The following GABRG3 variants were observed in gnomAD, a reference collection of about 807,000 sequenced individuals.
GABRG3 encodes gamma-aminobutyric acid receptor subunit gamma-3.
A neutral mutation model predicts 48.8 loss-of-function variants in GABRG3; 25 were observed. The observed-to-expected ratio is 0.51, with a 90% CI of 0.37 to 0.72. GABRG3 has a LOEUF of 0.72. Among genes scored for constraint, GABRG3 ranks in the 30% least tolerant of loss-of-function variants. The pLI is 0.00. For synonymous variants in GABRG3, 227 were observed against 217.6 expected, an observed-to-expected ratio of 1.04 and a Z score of -0.38; for missense variants, 394 against 577.9, an observed-to-expected ratio of 0.68 and a Z score of 3.26.
chr15:27,424,445 G>A (rs573972344), intron 5 of GABRG3, among the ~76,000 whole-genome samples: 1 of 152,196 alleles, frequency 6.6e-6, no homozygotes, highest in South Asian at 2.1e-4. Flanking sequence ...GGCAGGGTCG[G>A]AGGGCAGATG....
intron 5 of GABRG3, among the ~76,000 whole-genome samples, chr15:27,461,793 C>T (rs1011535189): frequency 2.6e-4 from 39 of 152,286 alleles, no homozygotes; most frequent in Non-Finnish European, 5.4e-4. Context: ...ATAAGCCCAG[C>T]GGGCTTCAAT....
chr15:27,190,932 T>C (rs1046958261), intron 3 of GABRG3, among the ~76,000 whole-genome samples: 4 of 152,120 alleles, frequency 2.6e-5, no homozygotes, highest in Non-Finnish European at 5.9e-5. Flanking sequence ...TCGTGCTTGT[T>C]CTCGTTGGTT....
At chr15:27,466,917 G>A (rs556684139) in intron 5 of GABRG3, among the ~76,000 whole-genome samples, 7 of 152,284 alleles carry the variant, frequency 4.6e-5, no homozygotes, top group African/African-American at 1.7e-4. Flanking sequence ...TTTGAGTAAG[G>A]GATGTAGTTT....
At chr15:27,282,269 A>C (rs1195081009) in intron 3 of GABRG3, among the ~76,000 whole-genome samples, 1 of 152,170 alleles carries the variant, frequency 6.6e-6, no homozygotes, top group East Asian at 1.9e-4. Context: ...TGTTGCCTAA[A>C]TTCGGAAGTT....
At chr15:27,346,077 G>A (rs375549569) in intron 5 of GABRG3, among the ~76,000 whole-genome samples, 108,688 of 111,536 alleles carry the variant, frequency 0.97, 53,204 homozygotes, top group South Asian at 1. Flanking sequence ...GAGAGAGAAA[G>A]AAGAGAGAGA....
chr15:26,977,634 G>C (rs1894976418), intron 2 of GABRG3, among the ~76,000 whole-genome samples: 1 of 152,168 alleles, frequency 6.6e-6, no homozygotes, highest in Non-Finnish European at 1.5e-5. Flanking sequence ...ATTCATTCAA[G>C]TTGTTACATG....
At chr15:27,366,712 C>T (rs1470790114) in intron 5 of GABRG3, among the ~76,000 whole-genome samples, 1 of 152,184 alleles carries the variant, frequency 6.6e-6, no homozygotes. Flanking sequence ...CTGCAACAAC[C>T]ACCCTTTTCT....
chr15:27,130,677 G>T (rs1233066889), intron 3 of GABRG3, among the ~76,000 whole-genome samples: 1 of 152,018 alleles, frequency 6.6e-6, no homozygotes, highest in Non-Finnish European at 1.5e-5. Context: ...TGTAAACACA[G>T]AATCTTTCCA....
intron 3 of GABRG3, among the ~76,000 whole-genome samples, chr15:27,199,542 C>T (rs1397273777): frequency 2.0e-5 from 3 of 152,060 alleles, no homozygotes; most frequent in African/African-American, 7.2e-5. Context: ...TCATGAAGGG[C>T]TTGGTGTCCT....
chr15:27,055,841 A>G (rs118112548), intron 3 of GABRG3, among the ~76,000 whole-genome samples: 3,324 of 152,282 alleles, frequency 0.022, 58 homozygotes, highest in Middle Eastern at 0.082. Context: ...AAAGTCATTG[A>G]GAAAAAAAAA....
chr15:27,256,143 A>G (rs1453236061), intron 3 of GABRG3, among the ~76,000 whole-genome samples: 1 of 152,128 alleles, frequency 6.6e-6, no homozygotes, highest in Non-Finnish European at 1.5e-5. Context: ...GATGTGACCT[A>G]GAAAGAAAGG....
intron 3 of GABRG3, among the ~76,000 whole-genome samples, chr15:27,239,643 C>T (rs1890077243): frequency 6.6e-6 from 1 of 152,132 alleles, no homozygotes; most frequent in South Asian, 2.1e-4. Flanking sequence ...TCATGAGATG[C>T]TTCAGAAATT....
chr15:27,344,416 G>A (rs965882544), intron 5 of GABRG3, among the ~76,000 whole-genome samples: 7 of 152,162 alleles, frequency 4.6e-5, no homozygotes, highest in Non-Finnish European at 1.5e-5. Context: ...GTGCAGGCAA[G>A]CTCATTCTGT....
Position 27,348,155 on chromosome 15 carries a change from C to CAAAAAAAAAAAAAAAAAAAAAAAAAA in GABRG3, c.574+19270_574+19271insAAAAAAAAAAAAAAAAAAAAAAAAAA, listed in dbSNP as rs535295684. ...TGGGTGACAGAGCGAGACTCCATCT[C>CAAAAAAAAAAAAAAAAAAAAAAAAAA]AAATAAATAAAGAGTTGGAGATTTT... On this transcript the variant is annotated intron_variant, in intron 5 of 9. Transcript: ENST00000615808. 1.4e-4 allele frequency among the ~76,000 whole-genome samples: 14 copies of CAAAAAAAAAAAAAAAAAAAAAAAAAA among 102,966 alleles called. 3 individuals are homozygous for CAAAAAAAAAAAAAAAAAAAAAAAAAA. The highest frequency in any genetic ancestry group is 6.4e-4 in the African/African-American group (14 of 21,940). The allele number at this position is 102,966 out of a possible 152,430, so 67.5% of individuals were successfully genotyped here. A position where few individuals can be genotyped will look rare whatever the true frequency, so the allele number is the denominator to read the frequency against.
At chr15:27,198,997 G>C (rs1483396577) in intron 3 of GABRG3, among the ~76,000 whole-genome samples, 1 of 152,046 alleles carries the variant, frequency 6.6e-6, no homozygotes, top group African/African-American at 2.4e-5. Flanking sequence ...GCCTTTTGGG[G>C]GTTGGGGGAC....
chr15:27,441,590 T>C (rs1298979851), intron 5 of GABRG3, among the ~76,000 whole-genome samples: 2 of 152,154 alleles, frequency 1.3e-5, no homozygotes, highest in Admixed American at 1.3e-4. Context: ...AGACCCATCT[T>C]CATTCGCTCT....
At chr15:27,362,918 G>A (rs1895070204) in intron 5 of GABRG3, 1 of 152,190 alleles carries the variant, frequency 6.6e-6, no homozygotes, top group Non-Finnish European at 1.5e-5. Flanking sequence ...GGACGAGAAA[G>A]TACATAGGTG....
chr15:27,162,626 T>C (rs1400697244), intron 3 of GABRG3, among the ~76,000 whole-genome samples: 1 of 151,970 alleles, frequency 6.6e-6, no homozygotes, highest in African/African-American at 2.4e-5. Context: ...TAGGGTTTGC[T>C]AGAATTGGAA....
chr15:27,450,358 G>A (rs928513256), intron 5 of GABRG3, among the ~76,000 whole-genome samples: 9 of 152,028 alleles, frequency 5.9e-5, no homozygotes, highest in African/African-American at 1.9e-4. Flanking sequence ...TAAAGAGATC[G>A]TACACCATGA....
Sources: gnomAD v4.1 joint callset for allele counts (sites outside exome capture counted in the v4.1 genomes callset) on GRCh38, gnomAD v4.1.1 for gene constraint, MANE v1.5 for transcripts, NCBI Gene and HGNC (gene_info 2026-07-23, HGNC 2026-07-21) for gene names.